The following COX10 variants were observed in gnomAD, a reference collection of about 807,000 sequenced individuals.
COX10 encodes protoheme IX farnesyltransferase, mitochondrial.
A neutral mutation model predicts 37.3 loss-of-function variants in COX10; 27 were observed. The ratio of observed to expected loss-of-function variants is 0.72; its 90% confidence interval spans 0.53 to 1.00. The LOEUF (loss-of-function observed/expected upper bound fraction) is 1.00, where lower values mean the gene tolerates loss of function less well. COX10 is among the 50% of genes least tolerant of loss of function. COX10 has a pLI of 0.00. For missense variants in COX10, 475 were observed against 563.2 expected (o/e 0.84, Z 1.59); for synonymous variants, 222 against 229.1 (o/e 0.97, Z 0.28).
chr17:14,099,571 G>C (rs1915729611), intron 3 of COX10, among the ~76,000 whole-genome samples: 1 of 151,880 alleles, frequency 6.6e-6, no homozygotes. Flanking sequence ...CATGGTTACT[G>C]GACACCCATG....
chr17:14,079,901 A>G (rs1202831169), intron 3 of COX10, among the ~76,000 whole-genome samples: 1 of 151,838 alleles, frequency 6.6e-6, no homozygotes, highest in Non-Finnish European at 1.5e-5. Context: ...CAGTTTTGCA[A>G]CATGCCATTT....
intron 3 of COX10, among the ~76,000 whole-genome samples, chr17:14,089,273 C>T (rs1398439407): frequency 6.6e-6 from 1 of 152,178 alleles, no homozygotes; most frequent in Non-Finnish European, 1.5e-5. Flanking sequence ...CTGTGACTAC[C>T]ACCACATATG....
intron 4 of COX10, among the ~76,000 whole-genome samples, chr17:14,102,514 A>C (rs781613030): frequency 2.0e-5 from 3 of 152,118 alleles, no homozygotes; most frequent in Non-Finnish European, 4.4e-5. Context: ...AGCTGTCATA[A>C]CTTTCTACTC....
chr17:14,084,497 C>T (rs1915366045), intron 3 of COX10, among the ~76,000 whole-genome samples: 1 of 152,018 alleles, frequency 6.6e-6, no homozygotes, highest in South Asian at 2.1e-4. Flanking sequence ...ACGATCGTAG[C>T]GTAAATGCCT....
chr17:14,172,189 T>C (rs1450993283), intron 5 of COX10, among the ~76,000 whole-genome samples: 1 of 152,120 alleles, frequency 6.6e-6, no homozygotes, highest in East Asian at 1.9e-4. Flanking sequence ...AACACATATC[T>C]TTGCTGTGAT....
intron 4 of COX10, among the ~76,000 whole-genome samples, chr17:14,149,890 A>G (rs867094013): frequency 2.0e-4 from 30 of 152,306 alleles, no homozygotes; most frequent in Middle Eastern, 6.8e-3. Context: ...ATAACAGATC[A>G]CAGGATTGCC....
intron 3 of COX10, among the ~76,000 whole-genome samples, chr17:14,077,976 G>T (rs545743593): frequency 6.6e-6 from 1 of 151,372 alleles, no homozygotes; most frequent in Non-Finnish European, 1.5e-5. Context: ...CAAGGCAAAA[G>T]GAGGTAACTA....
intron 3 of COX10, among the ~76,000 whole-genome samples, chr17:14,096,150 C>G (rs1915646429): frequency 6.6e-6 from 1 of 151,920 alleles, no homozygotes; most frequent in African/African-American, 2.4e-5. Context: ...AGCCACCAGT[C>G]CCACTCCTAT....
intron 3 of COX10, among the ~76,000 whole-genome samples, chr17:14,095,950 A>G (rs1319948063): frequency 1.3e-5 from 2 of 152,156 alleles, no homozygotes; most frequent in Admixed American, 1.3e-4. Context: ...TGCTTATGGA[A>G]CTAGGTAATT....
At chr17:14,206,309 C>G (rs536054628) in intron 6 of COX10, among the ~76,000 whole-genome samples, 1 of 152,276 alleles carries the variant, frequency 6.6e-6, no homozygotes, top group East Asian at 1.9e-4. Context: ...TTCCACCTGC[C>G]TGAAGCCACA....
chr17:14,070,235 C>T (rs536689720), intron 1 of COX10, among the ~76,000 whole-genome samples: 6 of 152,290 alleles, frequency 3.9e-5, no homozygotes, highest in Non-Finnish European at 7.4e-5. Context: ...TTGGTAATGG[C>T]TCATCTCAAA....
intron 2 of COX10, among the ~76,000 whole-genome samples, chr17:14,076,289 A>G (rs1031511992): frequency 6.6e-5 from 10 of 151,618 alleles, no homozygotes; most frequent in Admixed American, 1.3e-4. Flanking sequence ...GTTTTTGTAG[A>G]GACATTCCCT....
At chr17:14,107,245 G>A (rs1915914061) in intron 4 of COX10, among the ~76,000 whole-genome samples, 1 of 150,194 alleles carries the variant, frequency 6.7e-6, no homozygotes, top group South Asian at 2.1e-4. Flanking sequence ...TGAGATCTTT[G>A]CCCAAGATCC....
At chr17:14,088,826 G>A (rs1459576561) in intron 3 of COX10, among the ~76,000 whole-genome samples, 2 of 152,072 alleles carry the variant, frequency 1.3e-5, no homozygotes, top group African/African-American at 4.8e-5. Flanking sequence ...ATTAGCTTGT[G>A]GTTTTTGTCC....
intron 1 of COX10, among the ~76,000 whole-genome samples, chr17:14,072,040 C>G (rs1434006677): frequency 1.3e-5 from 2 of 152,110 alleles, no homozygotes; most frequent in Admixed American, 6.5e-5. Context: ...TTTAATGTAT[C>G]TATTATAATC....
chr17:14,119,626 C>T (rs1272531413), intron 4 of COX10, among the ~76,000 whole-genome samples: 2 of 152,026 alleles, frequency 1.3e-5, no homozygotes, highest in African/African-American at 4.8e-5. Flanking sequence ...CGGCTGAAAT[C>T]CTAAAGATGA....
intron 6 of COX10, among the ~76,000 whole-genome samples, chr17:14,203,722 G>A (rs1442608096): frequency 6.6e-6 from 1 of 152,190 alleles, no homozygotes; most frequent in Non-Finnish European, 1.5e-5. Flanking sequence ...ATTTTCTGAA[G>A]TATTCTGCAT....
chr17:14,078,623 G>A (rs1321778864), intron 3 of COX10, among the ~76,000 whole-genome samples: 1 of 152,164 alleles, frequency 6.6e-6, no homozygotes, highest in Non-Finnish European at 1.5e-5. Flanking sequence ...AACACGGGAG[G>A]CTGTTGGTTT....
intron 3 of COX10, among the ~76,000 whole-genome samples, chr17:14,079,594 G>A (rs907014376): frequency 6.6e-6 from 1 of 152,274 alleles, no homozygotes; most frequent in East Asian, 1.9e-4. Context: ...AGCTTCTTTG[G>A]AGGGATATGA....
Sources: allele counts gnomAD v4.1 joint callset (sites outside exome capture counted in the v4.1 genomes callset), GRCh38; gene constraint gnomAD v4.1.1; transcripts MANE v1.5; gene names NCBI Gene and HGNC (gene_info 2026-07-23, HGNC 2026-07-21).